The following REPS2 variants were observed in gnomAD, a reference collection of about 807,000 sequenced individuals.
REPS2 encodes the protein ralBP1-associated Eps domain-containing protein 2.
REPS2 carries 23 observed loss-of-function variants against 53.6 expected under a neutral mutation model. That is an observed-to-expected ratio of 0.43 (90% CI 0.31 to 0.61). The LOEUF (loss-of-function observed/expected upper bound fraction) is 0.61, where lower values mean the gene tolerates loss of function less well. Ranked by LOEUF, REPS2 falls within the 20% of genes least tolerant of loss-of-function variation. The pLI, the probability that REPS2 is intolerant of heterozygous loss-of-function variation, is 0.11. For missense variants in REPS2, 446 were observed against 534.9 expected, an observed-to-expected ratio of 0.83 and a Z score of 1.64; for synonymous variants, 238 against 218.6, an observed-to-expected ratio of 1.09 and a Z score of -0.78.
chrX:17,082,806 A>T (rs1446409075), intron 13 of REPS2, among the ~76,000 whole-genome samples: 1 of 112,600 alleles, frequency 8.9e-6, no homozygotes, highest in East Asian at 2.8e-4. Context: ...GAACAGTATG[A>T]CTGAGGACAG....
chrX:17,028,189 A>T (rs935342932), intron 4 of REPS2, among the ~76,000 whole-genome samples: 3 of 111,693 alleles, frequency 2.7e-5, no homozygotes, highest in Non-Finnish European at 5.6e-5. Flanking sequence ...AAGTAGAAGT[A>T]GAAGCTCTTA....
rs1157042780 is a variant in REPS2 at position 16,951,500 on chromosome X, TACACACACACAC to T, written c.273+4415_273+4426del. 5.6e-3 allele frequency among the ~76,000 whole-genome samples: 339 copies of T among 60,108 alleles called. 6 individuals carry two copies. The highest frequency in any genetic ancestry group is 0.012 in the African/African-American group (185 of 15,107). 52.2% of individuals were successfully genotyped at this position (60,108 alleles called of 115,157 possible). A position where few individuals can be genotyped will look rare whatever the true frequency, so the allele number is the denominator to read the frequency against. ...CTGGGCAAGATGGCAAAACCCCATCTACACACACACACACACACACACACACACACACACACA... is the reference window on the plus strand; with the variant it reads ...CTGGGCAAGATGGCAAAACCCCATCTACACACACACACACACACACACACA... On this transcript the variant is annotated intron_variant, in intron 1 of 17. Transcript: ENST00000357277.
chrX:17,115,622 C>T (rs1204313604), intron 14 of REPS2, among the ~76,000 whole-genome samples: 1 of 112,026 alleles, frequency 8.9e-6, no homozygotes, highest in Non-Finnish European at 1.9e-5. Context: ...TTCAGACTAT[C>T]ACATGGGGAG....
chrX:16,999,926 A>C (rs1001678240), intron 1 of REPS2, among the ~76,000 whole-genome samples: 107 of 102,251 alleles, frequency 1.0e-3, no homozygotes, highest in African/African-American at 3.5e-3. Context: ...GGGCGCCTGT[A>C]GTCCCAGCTA....
chrX:16,972,374 A>G (rs141895690), intron 1 of REPS2, among the ~76,000 whole-genome samples: 2,823 of 112,284 alleles, frequency 0.025, 34 homozygotes, highest in Non-Finnish European at 0.038. Flanking sequence ...TTCTATGTGT[A>G]TATGAATGAT....
At chrX:17,073,631 G>GGA (rs1406294052) in intron 11 of REPS2, among the ~76,000 whole-genome samples, 2 of 109,779 alleles carry the variant, frequency 1.8e-5, no homozygotes, top group Non-Finnish European at 3.8e-5. Context: ...ACTTACTTGT[G>GGA]AGAGCTTTGT....
At chrX:17,120,226 T>C (rs2063124710) in intron 14 of REPS2, among the ~76,000 whole-genome samples, 3 of 111,204 alleles carry the variant, frequency 2.7e-5, no homozygotes, top group African/African-American at 9.8e-5. Context: ...GAGGAGCAGA[T>C]GTGGATTGGG....
chrX:17,191,479 T>C, the REPS2 span, among the ~76,000 whole-genome samples: 1,986 of 112,340 alleles, frequency 0.018, 59 homozygotes, highest in African/African-American at 0.061. Flanking sequence ...CTCTCATACG[T>C]TGCTAGTGGG....
At chrX:17,125,717 GT>G (rs2063200128) in intron 14 of REPS2, among the ~76,000 whole-genome samples, 2 of 112,953 alleles carry the variant, frequency 1.8e-5, no homozygotes, top group South Asian at 7.2e-4. Flanking sequence ...AACTAACCCA[GT>G]TATGTTGCAG....
chrX:17,050,161 T>C (rs188054606), intron 6 of REPS2, among the ~76,000 whole-genome samples: 1,266 of 41,204 alleles, frequency 0.031, 8 homozygotes, highest in East Asian at 0.12. Context: ...TTTCTTTCTT[T>C]CTTTCTTTCT....
At chrX:17,126,011 C>T (rs1192614289) in intron 14 of REPS2, among the ~76,000 whole-genome samples, 2 of 112,036 alleles carry the variant, frequency 1.8e-5, no homozygotes, top group Non-Finnish European at 3.8e-5. Flanking sequence ...GCTAACCTGC[C>T]TCAGTGGAAC....
intron 1 of REPS2, among the ~76,000 whole-genome samples, chrX:16,982,770 A>G (rs1031794083): frequency 1.8e-5 from 2 of 112,096 alleles, no homozygotes; most frequent in African/African-American, 3.2e-5. Context: ...CCTTTCTGCC[A>G]TGATGACCAT....
chrX:16,951,559 A>ACACACACACACCCC (rs879259718), intron 1 of REPS2, among the ~76,000 whole-genome samples: 9 of 37,477 alleles, frequency 2.4e-4, no homozygotes, highest in East Asian at 9.0e-4. Flanking sequence ...ACACACACAC[A>ACACACACACACCCC]CCCCCGCTAC....
chrX:17,183,087 A>T, the REPS2 span, among the ~76,000 whole-genome samples: 1 of 112,623 alleles, frequency 8.9e-6, no homozygotes, highest in Non-Finnish European at 1.9e-5. Context: ...CTATAATGGG[A>T]ATTCTGGTGA....
At chrX:17,157,302 CA>C (rs1053844928), downstream of REPS2, among the ~76,000 whole-genome samples, 32 of 111,818 alleles carry the variant, frequency 2.9e-4, no homozygotes, top group African/African-American at 1.0e-3. Flanking sequence ...TACTCTCTCT[CA>C]AAGTGTTCTT....
intron 14 of REPS2, among the ~76,000 whole-genome samples, chrX:17,106,420 T>C (rs951769898): frequency 8.3e-5 from 9 of 108,978 alleles, no homozygotes; most frequent in Non-Finnish European, 1.3e-4. Flanking sequence ...AGTAACTTTT[T>C]TTTTTTTTTT....
At chrX:17,121,873 TC>T (rs2063146174) in intron 14 of REPS2, among the ~76,000 whole-genome samples, 2 of 110,838 alleles carry the variant, frequency 1.8e-5, no homozygotes, top group African/African-American at 3.3e-5. Flanking sequence ...GCCTCAGCCT[TC>T]CGAGTAGCTG....
At chrX:17,009,996 C>A (rs1464970907) in intron 2 of REPS2, among the ~76,000 whole-genome samples, 1 of 111,156 alleles carries the variant, frequency 9.0e-6, no homozygotes, top group East Asian at 2.8e-4. Context: ...TTTTATCTTG[C>A]AGTCTTGGGT....
chrX:17,088,032 A>G (rs2062564659), intron 13 of REPS2, among the ~76,000 whole-genome samples: 2 of 110,659 alleles, frequency 1.8e-5, no homozygotes, highest in East Asian at 2.9e-4. Flanking sequence ...TTCCAAGATG[A>G]TAGACTGTTT....
Sources: gnomAD v4.1 joint callset for allele counts (sites outside exome capture counted in the v4.1 genomes callset) on GRCh38, gnomAD v4.1.1 for gene constraint, MANE v1.5 for transcripts, NCBI Gene and HGNC (gene_info 2026-07-23, HGNC 2026-07-21) for gene names.